Variants in RIMS1 observed in about 807,000 individuals in gnomAD.
The protein encoded by RIMS1 is regulating synaptic membrane exocytosis 1, also known as regulating synaptic membrane exocytosis protein 1.
RIMS1 carries 83 observed loss-of-function variants against 214.1 expected under a neutral mutation model. The ratio of observed to expected loss-of-function variants is 0.39; its 90% CI spans 0.32 to 0.47. RIMS1 has a LOEUF of 0.47. Among genes scored for constraint, RIMS1 ranks in the 20% least tolerant of loss-of-function variants. The pLI, the probability that RIMS1 is intolerant of heterozygous loss-of-function variation, is 0.99. For missense variants in RIMS1, 2,050 were observed against 2,161.8 expected, an observed-to-expected ratio of 0.95 and a Z score of 1.03; for synonymous variants, 793 against 786.8, an observed-to-expected ratio of 1.01 and a Z score of -0.13.
At chr6:72,056,218 A>C (rs768831416) in intron 2 of RIMS1, among the ~76,000 whole-genome samples, 1 of 152,116 alleles carries the variant, frequency 6.6e-6, no homozygotes, top group African/African-American at 2.4e-5. Flanking sequence ...CACTGAGTGC[A>C]TATGTACACG....
intron 4 of RIMS1, among the ~76,000 whole-genome samples, chr6:72,136,241 T>C (rs543020342): frequency 4.9e-4 from 75 of 151,992 alleles, no homozygotes; most frequent in Non-Finnish European, 9.0e-4. Flanking sequence ...CTTCAAGTAA[T>C]AGGAGTTCCA....
chr6:72,183,186 C>G, intron 6 of RIMS1, 37 bp downstream of exon 6: 1 of 1,573,132 alleles, frequency 6.4e-7, no homozygotes, highest in Non-Finnish European at 8.6e-7. Flanking sequence ...GGACTTCAGC[C>G]AAGTGAAGAG....
intron 2 of RIMS1, among the ~76,000 whole-genome samples, chr6:72,036,881 T>C (rs1028491239): frequency 5.3e-5 from 8 of 152,202 alleles, no homozygotes; most frequent in Admixed American, 5.2e-4. Flanking sequence ...TTTAATGCTA[T>C]AGTGGGAGGT....
At chr6:72,318,293 G>A (rs952748911) in intron 28 of RIMS1, among the ~76,000 whole-genome samples, 4 of 151,636 alleles carry the variant, frequency 2.6e-5, no homozygotes, top group Admixed American at 2.0e-4. Flanking sequence ...TTTCCTGATC[G>A]GTTTTTAATT....
chr6:72,290,759 C>G lies in RIMS1; in HGVS notation c.3635C>G (p.Pro1212Arg). The G allele has an allele frequency of 6.2e-7, 1 of 1,613,824 alleles. No homozygotes were observed. The highest frequency in any genetic ancestry group is 1.3e-5 in the African/African-American group (1 of 75,036). The change falls in exon 25 of 34, where the codon CCT becomes CGT. Residue 1212 changes from proline to arginine, a missense_variant. Transcript: ENST00000521978. The stretch of plus-strand genomic sequence containing the variant: ...CAGCCAGTCATTAGGGGAAAACATC[C>G]TGCTCGCTCAAGGTCGAGTGAGCAC... Reference protein sequence around the residue: ...TDQPVIRGKHPARSRSSEHSS... With the variant: ...TDQPVIRGKHRARSRSSEHSS...
intron 2 of RIMS1, among the ~76,000 whole-genome samples, chr6:72,075,067 G>A (rs1380244068): frequency 6.6e-6 from 1 of 152,038 alleles, no homozygotes; most frequent in Non-Finnish European, 1.5e-5. Flanking sequence ...AGACAGATAG[G>A]AGCCACTGTG....
chr6:72,024,989 C>T (rs973236348), intron 2 of RIMS1, among the ~76,000 whole-genome samples: 54 of 146,418 alleles, frequency 3.7e-4, no homozygotes, highest in African/African-American at 1.2e-3. Context: ...GAGCAACCTC[C>T]GCCTCCTGGG....
In RIMS1 at chr6:72,322,128, G is replaced by A. The variant is rs149481333; in HGVS notation, c.4130+8456G>A. ...TACTTGTTCAGCTATTGAACAGAAT[G>A]TGAAGCTCTCTAAAATAAATGTCAC... On this transcript the variant is annotated intron_variant, in intron 28 of 33. Coordinates refer to ENST00000521978, the MANE Select transcript of RIMS1 (RefSeq NM_014989.7). Among the ~76,000 whole-genome samples, 1,030 of 152,232 alleles carry A rather than the reference G, an allele frequency of 6.8e-3. 5 individuals are homozygous for A. The highest frequency in any genetic ancestry group is 0.01 in the Admixed American group (160 of 15,274).
chr6:71,904,943 T>C (rs1774810750), intron 1 of RIMS1, among the ~76,000 whole-genome samples: 1 of 152,186 alleles, frequency 6.6e-6, no homozygotes, highest in Admixed American at 6.6e-5. Context: ...AATCGTTAGC[T>C]CTATAAGATT....
At chr6:71,983,000 C>T (rs1017620823) in intron 2 of RIMS1, among the ~76,000 whole-genome samples, 4 of 152,064 alleles carry the variant, frequency 2.6e-5, no homozygotes, top group Non-Finnish European at 4.4e-5. Flanking sequence ...ATTTCTACCC[C>T]GAGCTTTTGC....
chr6:72,252,477 GC>G (rs1012956735), intron 15 of RIMS1, among the ~76,000 whole-genome samples: 2 of 152,026 alleles, frequency 1.3e-5, no homozygotes, highest in African/African-American at 4.8e-5. Context: ...TGTGCTGAAG[GC>G]TTTTAGTATA....
chr6:72,111,139 C>G (rs1426229377), intron 4 of RIMS1, among the ~76,000 whole-genome samples: 1 of 152,108 alleles, frequency 6.6e-6, no homozygotes, highest in Non-Finnish European at 1.5e-5. Context: ...TTGGCATTGT[C>G]TTATTAAAGT....
At chr6:71,957,447 T>G (rs151211543) in intron 1 of RIMS1, among the ~76,000 whole-genome samples, 4 of 152,278 alleles carry the variant, frequency 2.6e-5, no homozygotes, top group Non-Finnish European at 5.9e-5. Context: ...GGCTGATGAA[T>G]TCTCTGTAGT....
At chr6:72,196,038 A>G (rs2496515) in intron 6 of RIMS1, among the ~76,000 whole-genome samples, 77,639 of 151,816 alleles carry the variant, frequency 0.51, 21,608 homozygotes, top group East Asian at 0.82. Flanking sequence ...GGGTCTCTCT[A>G]TTGATACATG....
chr6:72,310,111 C>T (rs1742891681), intron 27 of RIMS1, among the ~76,000 whole-genome samples: 1 of 151,880 alleles, frequency 6.6e-6, no homozygotes, highest in African/African-American at 2.4e-5. Flanking sequence ...GTATCTTAAT[C>T]CATTTGACAT....
Position 72,265,002 on chromosome 6 carries a change from A to G in RIMS1, c.3144A>G (p.Leu1048=), listed in dbSNP as rs1157529804. The G allele has an allele frequency of 7.5e-6, 12 of 1,596,836 alleles. No homozygotes were observed. In the Admixed American group the frequency reaches 8.6e-5, roughly 11 times the overall value. ...TRHLVRHYKT[L]PPKMPLLQSS... is the part of the protein sequence containing the mutation. ...ATCTTGTTAGGCACTATAAAACATT[A>G]CCTCCCAAGATGCCTTTATTACAGA... The change falls in exon 20 of 34, where the codon TTA becomes TTG. Residue 1048 remains leucine, a synonymous_variant. Transcript: ENST00000521978.
At chr6:72,340,736 T>C (rs189455718) in intron 29 of RIMS1, among the ~76,000 whole-genome samples, 318 of 152,224 alleles carry the variant, frequency 2.1e-3, no homozygotes, top group Non-Finnish European at 2.1e-3. Context: ...AGCTTTGTTC[T>C]TTTGGCTTAG....
At chr6:72,081,760 T>C (rs2153774511) in intron 2 of RIMS1, among the ~76,000 whole-genome samples, 1 of 152,344 alleles carries the variant, frequency 6.6e-6, no homozygotes, top group South Asian at 2.1e-4. Context: ...TTTTATATTC[T>C]ACATTAGCAG....
chr6:72,156,047 GA>G, intron 4 of RIMS1: 1 of 356,310 alleles, frequency 2.8e-6, no homozygotes. Flanking sequence ...AGCCACTATG[GA>G]AAACAGTATG....
Sources: gnomAD v4.1 joint callset for allele counts (sites outside exome capture counted in the v4.1 genomes callset) on GRCh38, gnomAD v4.1.1 for gene constraint, MANE v1.5 for transcripts, NCBI Gene and HGNC (gene_info 2026-07-23, HGNC 2026-07-21) for gene names.